SZT2: variants seen among roughly 807,000 people sequenced by gnomAD.
SZT2 encodes KICSTOR complex protein SZT2.
A neutral mutation model predicts 404.2 loss-of-function variants in SZT2; 216 were observed. The observed-to-expected ratio is 0.53, with a 90% CI of 0.48 to 0.60. The LOEUF (loss-of-function observed/expected upper bound fraction) is 0.60. SZT2 is among the 20% of genes least tolerant of loss of function. The pLI, the probability that SZT2 is intolerant of heterozygous loss-of-function variation, is 0.00. For synonymous variants in SZT2, 1,693 were observed against 1,749.9 expected, an observed-to-expected ratio of 0.97 and a Z score of 0.81; for missense variants, 3,857 against 4,459.2, an observed-to-expected ratio of 0.86 and a Z score of 3.85.
In SZT2 at chr1:43,443,253, A is replaced by G. The variant is rs1359599046; in HGVS notation, c.8485A>G (p.Thr2829Ala). The G allele has an allele frequency of 6.2e-7, 1 of 1,614,164 alleles. No homozygotes were observed. Among genetic ancestry groups the G allele is most frequent in the Admixed American group, 1.7e-5 (1 of 60,016 alleles). Residue 2829 changes from threonine (T) to alanine (A), a missense_variant, in exon 60 of 72, where the codon ACC (threonine) becomes GCC (alanine). Thr to Ala is a moderately conservative substitution (Grantham distance 58). Coordinates refer to ENST00000634258, the MANE Select transcript of SZT2 (RefSeq NM_001365999.1). The part of the protein sequence containing the change: ...VTWQQRSTPA[T>A]MPISAGELET... Reference sequence around the variant, plus strand: ...CTGGCAGCAGCGTTCTACCCCAGCCACCATGCCCATCAGTGTGAGTGACCC... The same window carrying G: ...CTGGCAGCAGCGTTCTACCCCAGCCGCCATGCCCATCAGTGTGAGTGACCC...
intron 36 of SZT2, among the ~76,000 whole-genome samples, 158 bp downstream of exon 36, chr1:43,432,059 C>T (rs1653958990): frequency 6.6e-6 from 1 of 152,230 alleles, no homozygotes; most frequent in African/African-American, 2.4e-5. Flanking sequence ...CTGTGCTTGG[C>T]AGCCCAACTC....
chr1:43,432,839 G>C, intron 39 of SZT2, 40 bp downstream of exon 39: 1 of 1,607,982 alleles, frequency 6.2e-7, no homozygotes, highest in Non-Finnish European at 8.5e-7. Context: ...TAAGCTGATG[G>C]GAGGTGGGCT....
intron 39 of SZT2, 92 bp downstream of exon 39, chr1:43,432,891 G>A: frequency 6.3e-7 from 1 of 1,586,336 alleles, no homozygotes; most frequent in Non-Finnish European, 8.7e-7. Flanking sequence ...GACATCAGAA[G>A]GGACTAATCT....
Position 43,450,850 on chromosome 1 carries a change from T to C in SZT2, c.*370T>C, listed in dbSNP as rs1320327272. 8.4e-6 allele frequency: 6 copies of C among 712,158 alleles called. No homozygotes were observed. The highest frequency in any genetic ancestry group is 1.6e-5 in the Non-Finnish European group (6 of 384,632). The allele number at this position is 712,158 out of a possible 1,614,324, so 44.1% of individuals were successfully genotyped here. A position where few individuals can be genotyped will look rare whatever the true frequency, so the allele number is the denominator to read the frequency against. ...ATCCTGCCCCCTAGCCTTTGACCAC[T>C]GTCAGCCACCTGTGTCCCTTGAGCC... On this transcript the variant is annotated 3_prime_UTR_variant, in exon 72 of 72. Coordinates refer to ENST00000634258, the MANE Select transcript of SZT2 (RefSeq NM_001365999.1). The surrounding 1 kb of genome is among the most constrained non-coding windows in gnomAD (Gnocchi z 4.3).
In SZT2 at chr1:43,432,327, G is replaced by A. The variant is rs370796220; in HGVS notation, c.5330G>A (p.Gly1777Asp). ...GTTCTTCTTGAAGACCCTGACAGTG[G>A]CTTCTTCTTTGTGGCAGCTGGCCAA... ...GHVLLEDPDS[G>D]FFFVAAGQQP... is the part of the protein sequence containing the mutation. The change falls in exon 37 of 72, where the codon GGC (glycine) becomes GAC (aspartate). Residue 1777 changes from glycine to aspartate, a missense_variant. Coordinates refer to ENST00000634258, the MANE Select transcript of SZT2 (RefSeq NM_001365999.1). 5.7e-5 allele frequency: 92 copies of A among 1,604,778 alleles called. 1 individual carries two copies. The highest frequency in any genetic ancestry group is 6.6e-5 in the Non-Finnish European group (78 of 1,176,412).
chr1:43,451,729 G>A lies in SZT2; in HGVS notation c.*1249G>A, dbSNP rs758685189. 5 of 1,613,804 alleles carry A rather than the reference G, an allele frequency of 3.1e-6. No homozygotes were observed. In the African/African-American group the frequency reaches 5.3e-5, roughly 17 times the overall value. The stretch of plus-strand genomic sequence containing the variant: ...CAGTGGAATATGTCCTAGGGAAGAG[G>A]ATACTACATTCCGAGACCCCGCAGG... On this transcript the variant is annotated 3_prime_UTR_variant, in exon 72 of 72. Coordinates refer to ENST00000634258, the MANE Select transcript of SZT2 (RefSeq NM_001365999.1).
At chr1:43,412,234 C>CA (rs1491427026) in intron 4 of SZT2, 6 of 152,374 alleles carry the variant, frequency 3.9e-5, no homozygotes, top group Admixed American at 3.3e-4. Context: ...CAGAAATACT[C>CA]ACAATAGGCT....
Position 43,445,974 on chromosome 1 carries a change from G to A in SZT2, c.8906G>A (p.Gly2969Glu). The change falls in exon 63 of 72, where the codon GGG (glycine) becomes GAG (glutamate). Residue 2969 changes from glycine to glutamate, a missense_variant. Transcript: ENST00000634258. ...SFSCPKTKTD[G>E]SPKSTSSPVT... The stretch of plus-strand genomic sequence containing the variant: ...TCCTGCCCTAAAACCAAGACTGATG[G>A]GAGCCCCAAGGTAACTTGTCATATA... 1 of 1,614,006 alleles carries A rather than the reference G, an allele frequency of 6.2e-7. No homozygotes were observed. Among genetic ancestry groups the A allele is most frequent in the African/African-American group, 1.3e-5 (1 of 75,032 alleles).
chr1:43,434,268 C>T, intron 40 of SZT2, 118 bp from the exon 41 acceptor site: 1 of 859,890 alleles, frequency 1.2e-6, no homozygotes, highest in South Asian at 1.7e-5. Flanking sequence ...GGCCCCACCT[C>T]CATGACTTTC....
intron 39 of SZT2, 36 bp from the exon 40 acceptor site, chr1:43,432,953 T>A: frequency 6.2e-7 from 1 of 1,610,356 alleles, no homozygotes; most frequent in African/African-American, 1.3e-5. Context: ...CAGGCCCAGC[T>A]TCGGATGGGA....
rs772497078 is a variant in SZT2, at chr1:43,430,808, G to A, written c.4774+19G>A. 29 of 1,599,078 alleles carry A rather than the reference G, an allele frequency of 1.8e-5. No homozygotes were observed. The highest frequency in any genetic ancestry group is 5.0e-5 in the Admixed American group (3 of 59,498). The stretch of plus-strand genomic sequence containing the variant: ...TGCCTGGGTGAGTTTGAGGCAGCCC[G>A]AGGGAAAGCCAAAGGTCCTGGAACA... On this transcript the variant is annotated intron_variant, in intron 32 of 71. Coordinates refer to ENST00000634258, the MANE Select transcript of SZT2 (RefSeq NM_001365999.1).
chr1:43,442,841 C>A lies in SZT2; in HGVS notation c.8174C>A (p.Pro2725Gln). 6.2e-7 allele frequency: 1 copy of A among 1,607,654 alleles called. No individual in the cohort carries two copies. The highest frequency in any genetic ancestry group is 8.5e-7 in the Non-Finnish European group (1 of 1,176,284). Residue 2725 changes from proline to glutamine, a missense_variant, in exon 59 of 72, where the codon CCG becomes CAG. Pro to Gln is a moderately conservative substitution (Grantham distance 76, BLOSUM62 -1). Transcript: ENST00000634258. The surrounding 1 kb of genome is among the most constrained non-coding windows in gnomAD (Gnocchi z 4.5). The part of the protein sequence containing the change: ...DEKEPNPFLL[P>Q]TMEVETLIRS... ...CAGGAGCCAAACCCATTCCTGCTGC[C>A]GACCATGGAAGTGGAGACCCTCATC...
chr1:43,432,440 G>T lies in SZT2; in HGVS notation c.5442+1G>T. 2.6e-6 allele frequency: 4 copies of T among 1,561,898 alleles called. No individual in the cohort carries two copies. The highest frequency in any genetic ancestry group is 3.5e-6 in the Non-Finnish European group (4 of 1,155,720). On this transcript the variant is annotated splice_donor_variant, in intron 37 of 71. Transcript: ENST00000634258. LOFTEE classifies it high-confidence loss of function. ...CAGGGCTGAAGGCATCGAAGGGGAGGTGAGTCTCACCTGGGAATGGAGGGG... is the reference window on the plus strand; with the variant it reads ...CAGGGCTGAAGGCATCGAAGGGGAGTTGAGTCTCACCTGGGAATGGAGGGG...
chr1:43,409,534 A>G (rs1289240759), intron 4 of SZT2: 5 of 385,998 alleles, frequency 1.3e-5, no homozygotes, highest in Non-Finnish European at 2.5e-5. Flanking sequence ...TGGCTCCACC[A>G]AAAAACTATT....
rs202134094 is a variant in SZT2 at position 43,433,078 on chromosome 1, G to A, written c.5692G>A (p.Gly1898Arg). 2.8e-5 allele frequency: 46 copies of A among 1,614,112 alleles called. No individual in the cohort carries two copies. Among genetic ancestry groups the A allele is most frequent in the Non-Finnish European group, 3.7e-5 (44 of 1,180,028 alleles). Reference protein sequence around the residue: ...KAPFTLRTPPGPAPPQPSLSG... With the variant: ...KAPFTLRTPPRPAPPQPSLSG... ...CCCCTTCACATTGCGGACTCCACCTGGGCCAGCACCTCCACAGCCTTCACT... is the reference window on the plus strand; with the variant it reads ...CCCCTTCACATTGCGGACTCCACCTAGGCCAGCACCTCCACAGCCTTCACT... The change falls in exon 40 of 72, where the codon GGG (glycine) becomes AGG (arginine). Residue 1898 changes from glycine (G) to arginine (R), a missense_variant. Physicochemically the swap from Gly to Arg is moderately radical, Grantham distance 125. Coordinates refer to ENST00000634258, the MANE Select transcript of SZT2 (RefSeq NM_001365999.1).
rs905500187 is a variant in SZT2, at chr1:43,440,117, G to A, written c.7210+69G>A. ...ATCCAAGCAGGACAGTGTGGCAGGT[G>A]AGCGTGCAAAGGTGGGGTTTAGGGG... On this transcript the variant is annotated intron_variant, in intron 51 of 71. Coordinates refer to ENST00000634258, the MANE Select transcript of SZT2 (RefSeq NM_001365999.1). The A allele has an allele frequency of 7.5e-6, 12 of 1,592,972 alleles. No homozygotes were observed. In the Admixed American group the frequency reaches 1.9e-4, roughly 25 times the overall value.
At position 43,432,382 on chromosome 1, in the gene SZT2, T is replaced by C; in HGVS notation, c.5385T>C (p.Ser1795=). ...CAGGTGGGTCCCATGGGGAGCCTTC[T>C]TCAGCGGCCTGGGCTTGGCACAGTC... ...QQPGGSHGEP[S]SAAWAWHSHE... Residue 1795 remains serine, a synonymous_variant, in exon 37 of 72, where the codon TCT becomes TCC. Coordinates refer to ENST00000634258, the MANE Select transcript of SZT2 (RefSeq NM_001365999.1). 7 of 1,601,040 alleles carry C rather than the reference T, an allele frequency of 4.4e-6. No individual in the cohort carries two copies. The highest frequency in any genetic ancestry group is 4.5e-5 in the East Asian group (2 of 44,810).
rs1653148232 is a variant in SZT2 at position 43,426,402 on chromosome 1, T to C, written c.3078T>C (p.Cys1026=). ...GTGTCCCTTTCGCCGAGGGGTCCTG[T>C]CCTGCCAACGACATGGTGCTGTGCC... ...PEGVPFAEGS[C]PANDMVLCLL... is the part of the protein sequence containing the mutation. The change falls in exon 22 of 72, where the codon TGT becomes TGC. Residue 1026 remains cysteine (C), a synonymous_variant. Coordinates refer to ENST00000634258, the MANE Select transcript of SZT2 (RefSeq NM_001365999.1). The surrounding 1 kb of genome is among the most constrained non-coding windows in gnomAD (Gnocchi z 4.9). The C allele has an allele frequency of 6.3e-7, 1 of 1,585,850 alleles. No individual in the cohort carries two copies. Among genetic ancestry groups the C allele is most frequent in the South Asian group, 1.1e-5 (1 of 88,948 alleles).
In SZT2 at chr1:43,442,065, C is replaced by T. The variant is rs562979828; in HGVS notation, c.7808C>T (p.Ala2603Val). 4 of 1,614,078 alleles carry T rather than the reference C, an allele frequency of 2.5e-6. No individual in the cohort carries two copies. Among genetic ancestry groups the T allele is most frequent in the East Asian group, 2.2e-5 (1 of 44,874 alleles). The part of the protein sequence containing the change: ...PGQLGPSPRP[A>V]AERHLLLLGR... ...CAACTGGGCCCCTCTCCCCGCCCTG[C>T]AGCTGAGCGGCATCTGCTGCTTCTG... The change falls in exon 56 of 72, where the codon GCA becomes GTA. Residue 2603 changes from alanine (A) to valine (V), a missense_variant. Around this residue, in one of 7 missense-constraint regions of SZT2, gnomAD observed 573 missense variants for 592.4 expected, o/e 0.97. Transcript: ENST00000634258. The surrounding 1 kb of genome is among the most constrained non-coding windows in gnomAD (Gnocchi z 4.5).
Sources: allele counts gnomAD v4.1 joint callset (sites outside exome capture counted in the v4.1 genomes callset), GRCh38; gene constraint gnomAD v4.1.1; regional missense constraint gnomAD v4.1.1; non-coding constraint Gnocchi (gnomAD v3.1); transcripts MANE v1.5; gene names NCBI Gene and HGNC (gene_info 2026-07-23, HGNC 2026-07-21).